DDX11: variants seen among roughly 807,000 people sequenced by gnomAD.
The protein encoded by DDX11 is DEAD/H-box helicase 11, also known as ATP-dependent DNA helicase DDX11.
In DDX11, 72 loss-of-function variants were observed where a neutral mutation model predicts 125.2. That is an observed-to-expected ratio of 0.58 (90% confidence interval 0.48 to 0.70). The LOEUF is 0.70. Among genes scored for constraint, DDX11 ranks in the 30% least tolerant of loss-of-function variants. The probability of loss-of-function intolerance (pLI) is 0.00; values close to 1 mark genes in which losing one functional copy is unlikely to be tolerated. For missense variants in DDX11, 883 were observed against 1,165.0 expected, an observed-to-expected ratio of 0.76 and a Z score of 3.52; for synonymous variants, 347 against 452.6, an observed-to-expected ratio of 0.77 and a Z score of 2.96.
At position 31,082,782 on chromosome 12, in the gene DDX11, G is replaced by A. The variant is rs966959635; in HGVS notation, c.145-1031G>A. Among the ~76,000 whole-genome samples the A allele has an allele frequency of 8.5e-5, 13 of 152,222 alleles. No individual in the cohort carries two copies. In the East Asian group the frequency reaches 9.7e-4, roughly 11 times the overall value. Reference sequence around the variant, plus strand: ...ACAACAGAAACTGACATCCCACAGCGCTGGAGGCTGGAGTCCGAGATCAAG... The same window carrying A: ...ACAACAGAAACTGACATCCCACAGCACTGGAGGCTGGAGTCCGAGATCAAG... On this transcript the variant is annotated intron_variant, in intron 2 of 26. Coordinates refer to ENST00000542838, the MANE Select transcript of DDX11 (RefSeq NM_030653.4).
At chr12:31,082,498 G>A (rs552998283) in intron 2 of DDX11, among the ~76,000 whole-genome samples, 18 of 152,184 alleles carry the variant, frequency 1.2e-4, no homozygotes, top group East Asian at 9.7e-4. Flanking sequence ...CTCCTGCGCC[G>A]CGCTGCTGCC....
At position 31,084,636 on chromosome 12, in the gene DDX11, C is replaced by T. The variant is rs756068488; in HGVS notation, c.447C>T (p.His149=). 4.2e-5 allele frequency: 67 copies of T among 1,592,198 alleles called. No individual in the cohort carries two copies. Among genetic ancestry groups the T allele is most frequent in the Non-Finnish European group, 5.6e-5 (65 of 1,166,820 alleles). The change falls in exon 4 of 27, where the codon CAC becomes CAT. Residue 149 remains histidine (H), a synonymous_variant. Coordinates refer to ENST00000542838, the MANE Select transcript of DDX11 (RefSeq NM_030653.4). The part of the protein sequence containing the change: ...QREERLQQLQ[H]RVQLKYAAKR... ...AAGAACGCCTGCAGCAGCTGCAGCA[C>T]AGGGTGCAGCTCAAGTATGCAGCCA...
At chr12:31,098,864 C>G (rs1471339326) in intron 18 of DDX11, among the ~76,000 whole-genome samples, 4 of 152,110 alleles carry the variant, frequency 2.6e-5, no homozygotes, top group African/African-American at 4.8e-5. Flanking sequence ...TCAGTCTCGC[C>G]TCCAGCACAG....
chr12:31,104,044 C>G lies in DDX11; in HGVS notation c.*208C>G. 1 of 1,548,806 alleles carries G rather than the reference C, an allele frequency of 6.5e-7. No homozygotes were observed. Among genetic ancestry groups the G allele is most frequent in the Non-Finnish European group, 8.7e-7 (1 of 1,145,670 alleles). Reference sequence around the variant, plus strand: ...GGGAATCCTGAATGAACAGTGGGTCCTGGCTGTCCTTGGGGCGTTCCAGGG... The same window carrying G: ...GGGAATCCTGAATGAACAGTGGGTCGTGGCTGTCCTTGGGGCGTTCCAGGG... On this transcript the variant is annotated 3_prime_UTR_variant, in exon 27 of 27. Coordinates refer to ENST00000542838, the MANE Select transcript of DDX11 (RefSeq NM_030653.4).
chr12:31,079,194 G>A (rs1941351603), intron 2 of DDX11, among the ~76,000 whole-genome samples: 1 of 152,022 alleles, frequency 6.6e-6, no homozygotes, highest in Non-Finnish European at 1.5e-5. Flanking sequence ...TGAACAATAT[G>A]TCTTAATATT....
At chr12:31,086,781 G>A (rs1486195310) in intron 5 of DDX11, among the ~76,000 whole-genome samples, 1 of 137,498 alleles carries the variant, frequency 7.3e-6, no homozygotes, top group African/African-American at 2.9e-5. Context: ...GAGGACCTGA[G>A]TTCTGAATAG....
rs377659875 is a variant in DDX11, at chr12:31,103,550, G to A, written c.2537-27G>A. 1,431 of 1,613,632 alleles carry A rather than the reference G, an allele frequency of 8.9e-4. 2 individuals carry two copies. Among genetic ancestry groups the A allele is most frequent in the Non-Finnish European group, 1.0e-3 (1,209 of 1,179,798 alleles). On this transcript the variant is annotated intron_variant, in intron 25 of 26. Coordinates refer to ENST00000542838, the MANE Select transcript of DDX11 (RefSeq NM_030653.4). ...TGTAGGGGGGAGGCAGGTGTTGCTC[G>A]GAGCCCCAGCCTCTGTTCCTATGCA...
Position 31,078,462 on chromosome 12 carries a change from G to A in DDX11, c.69G>A (p.Gln23=). The change falls in exon 2 of 27, where the codon CAG becomes CAA. Residue 23 remains glutamine, a synonymous_variant. Coordinates refer to ENST00000542838, the MANE Select transcript of DDX11 (RefSeq NM_030653.4). ...FPFPFTPYSI[Q]EDFMAELYRV... ...TTCCCTTCACACCCTATTCCATCCAGGAAGACTTCATGGCAGAGCTGTACC... is the reference window on the plus strand; with the variant it reads ...TTCCCTTCACACCCTATTCCATCCAAGAAGACTTCATGGCAGAGCTGTACC... 1.9e-6 allele frequency: 3 copies of A among 1,610,906 alleles called. No homozygotes were observed. The highest frequency in any genetic ancestry group is 1.7e-6 in the Non-Finnish European group (2 of 1,178,968).
chr12:31,081,125 G>A (rs1172675322), intron 2 of DDX11, among the ~76,000 whole-genome samples: 2 of 152,188 alleles, frequency 1.3e-5, no homozygotes, highest in African/African-American at 4.8e-5. Flanking sequence ...CCAGGCTTCT[G>A]CGTCTTCTTC....
At chr12:31,079,485 C>T (rs1231745321) in intron 2 of DDX11, among the ~76,000 whole-genome samples, 2 of 138,196 alleles carry the variant, frequency 1.4e-5, no homozygotes, top group Non-Finnish European at 3.1e-5. Flanking sequence ...CAGATGGCTG[C>T]GTTCTTACTG....
At chr12:31,076,713 C>A (rs1458645668) in intron 1 of DDX11, among the ~76,000 whole-genome samples, 1 of 152,014 alleles carries the variant, frequency 6.6e-6, no homozygotes, top group Non-Finnish European at 1.5e-5. Flanking sequence ...TGTTAGGTAC[C>A]TTTCTTCCCC....
At position 31,102,422 on chromosome 12, in the gene DDX11, T is replaced by C; in HGVS notation, c.2272-5T>C. On this transcript the variant is annotated splice_region_variant and splice_polypyrimidine_tract_variant and intron_variant, in intron 22 of 26. Coordinates refer to ENST00000542838, the MANE Select transcript of DDX11 (RefSeq NM_030653.4). ...AGCAACTCAGCGTCTGGGTTTCTCC[T>C]ACAGGCCTGTGGCCAGGAGAGAGGC... The C allele has an allele frequency of 1.9e-6, 3 of 1,613,980 alleles. No individual in the cohort carries two copies. Among genetic ancestry groups the C allele is most frequent in the Non-Finnish European group, 1.7e-6 (2 of 1,179,876 alleles).
intron 3 of DDX11, among the ~76,000 whole-genome samples, chr12:31,084,343 A>C (rs1214968115): frequency 6.6e-6 from 1 of 152,216 alleles, no homozygotes; most frequent in African/African-American, 2.4e-5. Context: ...CAATGGCTGC[A>C]AATGGATCTG....
rs749212484 is a variant in DDX11 at position 31,102,476 on chromosome 12, T to C, written c.2321T>C (p.Val774Ala). The C allele has an allele frequency of 6.2e-7, 1 of 1,614,016 alleles. No individual in the cohort carries two copies. Among genetic ancestry groups the C allele is most frequent in the Non-Finnish European group, 8.5e-7 (1 of 1,179,936 alleles). The change falls in exon 23 of 27, where the codon GTG (valine) becomes GCG (alanine). Residue 774 changes from valine to alanine, a missense_variant. Coordinates refer to ENST00000542838, the MANE Select transcript of DDX11 (RefSeq NM_030653.4). Reference protein sequence around the residue: ...GQVTGALLLSVVGGKMSEGIN... With the variant: ...GQVTGALLLSAVGGKMSEGIN... ...GTGACAGGGGCCCTGCTCCTCTCTG[T>C]GGTTGGAGGAAAGATGAGTGAAGGG...
chr12:31,095,756 C>T (rs1371898591), intron 14 of DDX11, among the ~76,000 whole-genome samples: 1 of 152,210 alleles, frequency 6.6e-6, no homozygotes, highest in Non-Finnish European at 1.5e-5. Context: ...CTCTCGCCTT[C>T]CCTTTGCCCT....
intron 14 of DDX11, among the ~76,000 whole-genome samples, chr12:31,096,021 T>C (rs1265598150): frequency 2.9e-5 from 1 of 34,768 alleles, no homozygotes; most frequent in East Asian, 5.8e-3. Flanking sequence ...GAAGTTCCTT[T>C]TTTTTTTTTA....
intron 1 of DDX11, among the ~76,000 whole-genome samples, chr12:31,075,050 C>T (rs1420060554): frequency 1.3e-5 from 2 of 152,164 alleles, no homozygotes; most frequent in Non-Finnish European, 2.9e-5. Flanking sequence ...TCCTGAAGTG[C>T]TTTCACAACT....
chr12:31,092,084 A>C (rs1282218260), intron 10 of DDX11, among the ~76,000 whole-genome samples: 1 of 152,262 alleles, frequency 6.6e-6, no homozygotes, highest in African/African-American at 2.4e-5. Flanking sequence ...CCTGCACCTC[A>C]TCTGCCCCCA....
chr12:31,083,299 T>A (rs528616377), intron 2 of DDX11, among the ~76,000 whole-genome samples: 10 of 137,728 alleles, frequency 7.3e-5, no homozygotes, highest in Admixed American at 3.8e-4. Flanking sequence ...TCTTCCAGAG[T>A]GATTAGTTTG....
Sources: gnomAD v4.1 joint callset for allele counts (sites outside exome capture counted in the v4.1 genomes callset) on GRCh38, gnomAD v4.1.1 for gene constraint, MANE v1.5 for transcripts, NCBI Gene and HGNC (gene_info 2026-07-23, HGNC 2026-07-21) for gene names.